FMN2: variants seen among roughly 807,000 people sequenced by gnomAD.
The protein encoded by FMN2 is formin 2.
FMN2 carries 51 observed loss-of-function variants against 142.3 expected under a neutral mutation model. That is an observed-to-expected ratio of 0.36 (90% CI 0.29 to 0.45). The LOEUF is 0.45. FMN2 is among the 20% of genes least tolerant of loss of function. The probability of loss-of-function intolerance (pLI) is 1.00; values close to 1 mark genes in which losing one functional copy is unlikely to be tolerated. For synonymous variants in FMN2, 882 were observed against 869.8 expected, an observed-to-expected ratio of 1.01 and a Z score of -0.25; for missense variants, 1,936 against 2,122.8, an observed-to-expected ratio of 0.91 and a Z score of 1.73.
At chr1:240,305,951 G>GTTTTTTTTTT (rs10577212) in intron 8 of FMN2, among the ~76,000 whole-genome samples, 3 of 121,756 alleles carry the variant, frequency 2.5e-5, no homozygotes, top group African/African-American at 3.8e-5. Context: ...ATGCTTGTAA[G>GTTTTTTTTTT]TTTTTTTTTT....
At chr1:240,190,129 A>G (rs1490691178) in intron 4 of FMN2, among the ~76,000 whole-genome samples, 2 of 152,230 alleles carry the variant, frequency 1.3e-5, no homozygotes, top group Non-Finnish European at 1.5e-5. Flanking sequence ...GCGATGGACC[A>G]TGGTAAAATA....
At chr1:240,314,830 C>T (rs917757468) in intron 8 of FMN2, among the ~76,000 whole-genome samples, 32 of 152,144 alleles carry the variant, frequency 2.1e-4, no homozygotes, top group African/African-American at 7.7e-4. Context: ...CCTCTACCAG[C>T]CATTGTTTTT....
chr1:240,237,562 G>T (rs1182828051), intron 6 of FMN2, among the ~76,000 whole-genome samples: 1 of 152,172 alleles, frequency 6.6e-6, no homozygotes, highest in Non-Finnish European at 1.5e-5. Context: ...ATCTTGGGAT[G>T]GAATCACTTA....
intron 15 of FMN2, among the ~76,000 whole-genome samples, chr1:240,433,700 C>G (rs761238729): frequency 2.0e-5 from 3 of 152,186 alleles, no homozygotes; most frequent in Non-Finnish European, 2.9e-5. Flanking sequence ...AGCCCTGACC[C>G]TTTTCAGGAA....
At chr1:240,137,487 T>C (rs1255064263) in intron 2 of FMN2, among the ~76,000 whole-genome samples, 1 of 152,228 alleles carries the variant, frequency 6.6e-6, no homozygotes, top group Non-Finnish European at 1.5e-5. Context: ...CAGGCTGTGG[T>C]TGGCTAGCCC....
chr1:240,184,305 C>T (rs1303866787), intron 3 of FMN2, among the ~76,000 whole-genome samples: 1 of 128,778 alleles, frequency 7.8e-6, no homozygotes, highest in African/African-American at 3.0e-5. Flanking sequence ...GGCGCGATCT[C>T]GGCTCACTGC....
At chr1:240,199,168 G>C (rs561428221) in intron 4 of FMN2, among the ~76,000 whole-genome samples, 4 of 152,298 alleles carry the variant, frequency 2.6e-5, no homozygotes, top group Non-Finnish European at 4.4e-5. Flanking sequence ...GTGAAGAACA[G>C]AATTCCTATT....
intron 13 of FMN2, among the ~76,000 whole-genome samples, chr1:240,350,146 A>G (rs1672041062): frequency 6.6e-6 from 1 of 152,208 alleles, no homozygotes; most frequent in Non-Finnish European, 1.5e-5. Flanking sequence ...AATATATGAG[A>G]GTTATGAATG....
chr1:240,240,195 A>G (rs1277265338), intron 6 of FMN2, among the ~76,000 whole-genome samples: 3 of 152,100 alleles, frequency 2.0e-5, no homozygotes, highest in African/African-American at 7.2e-5. Context: ...GTAGTGTGGA[A>G]TAGTGGTCAA....
rs1666531975 is a variant in FMN2 at position 240,208,392 on chromosome 1, G to A, written c.3580G>A (p.Gly1194Arg). The A allele has an allele frequency of 6.3e-7, 1 of 1,591,052 alleles. No individual in the cohort carries two copies. The change falls in exon 5 of 18, where the codon GGA (glycine) becomes AGA (arginine). Residue 1194 changes from glycine to arginine, a missense_variant. Around this residue, in one of 8 missense-constraint regions of FMN2, gnomAD observed 259 missense variants for 230.9 expected, o/e 1.12. Transcript: ENST00000319653. ...IPPPPPLPGV[G>R]IPPPPPLPGA... ...TCCTCCGCCCCCTCTACCTGGAGTG[G>A]GAATACCTCCTCCGCCCCCTCTACC...
chr1:240,403,870 C>G (rs1674067743), intron 15 of FMN2, among the ~76,000 whole-genome samples: 1 of 152,156 alleles, frequency 6.6e-6, no homozygotes, highest in Non-Finnish European at 1.5e-5. Context: ...ACTACATTCC[C>G]TCTCCTACTT....
chr1:240,361,008 T>C (rs988662244), intron 14 of FMN2, among the ~76,000 whole-genome samples: 4 of 151,422 alleles, frequency 2.6e-5, no homozygotes, highest in Non-Finnish European at 5.9e-5. Flanking sequence ...CATTAGGAGA[T>C]ATACCTTATG....
chr1:240,295,907 G>A (rs1158628745), intron 8 of FMN2, among the ~76,000 whole-genome samples: 1 of 152,038 alleles, frequency 6.6e-6, no homozygotes, highest in Non-Finnish European at 1.5e-5. Flanking sequence ...CCTTTTCTTC[G>A]CATCTTCACC....
chr1:240,404,668 T>G (rs898790133), intron 15 of FMN2, among the ~76,000 whole-genome samples: 10 of 152,232 alleles, frequency 6.6e-5, no homozygotes, highest in African/African-American at 2.4e-4. Context: ...TGGTAAGTTT[T>G]AGATACAGCA....
At chr1:240,146,811 G>A (rs543521749) in intron 2 of FMN2, among the ~76,000 whole-genome samples, 1 of 152,184 alleles carries the variant, frequency 6.6e-6, no homozygotes, top group East Asian at 1.9e-4. Context: ...CCCCAAATAA[G>A]TGAACACCAA....
rs143968221 is a variant in FMN2, at chr1:240,462,727, C to A, written c.5061-9645C>A. Among the ~76,000 whole-genome samples the A allele has an allele frequency of 5.3e-5, 8 of 152,254 alleles. No homozygotes were observed. The East Asian group carries it at 1.4e-3, about 26-fold the overall frequency. On this transcript the variant is annotated intron_variant, in intron 16 of 17. Coordinates refer to ENST00000319653, the MANE Select transcript of FMN2 (RefSeq NM_020066.5). ...ATAAAGATGACTATACATGACTCCT[C>A]AACTCAAGGATCTTACTATTTAGCA...
At chr1:240,097,614 C>A (rs963443478) in intron 1 of FMN2, among the ~76,000 whole-genome samples, 3 of 152,162 alleles carry the variant, frequency 2.0e-5, no homozygotes, top group Admixed American at 1.3e-4. Context: ...CTCGGCCGCC[C>A]AAAGTGCTGG....
At chr1:240,126,091 C>T (rs1009040741) in intron 2 of FMN2, among the ~76,000 whole-genome samples, 16 of 152,152 alleles carry the variant, frequency 1.1e-4, no homozygotes, top group Non-Finnish European at 1.8e-4. Flanking sequence ...CAGAACTATG[C>T]GTTCATTGGA....
Position 240,418,703 on chromosome 1 carries a change from T to A in FMN2, c.4911-19358T>A, listed in dbSNP as rs146297874. ...CCAACGTGTATAAGTATACACAGTG[T>A]TCCAGTGTTGGATGTAGTGTTCTAT... On this transcript the variant is annotated intron_variant, in intron 15 of 17. Coordinates refer to ENST00000319653, the MANE Select transcript of FMN2 (RefSeq NM_020066.5). Among the ~76,000 whole-genome samples, 221 of 152,172 alleles carry A rather than the reference T, an allele frequency of 1.5e-3. 4 individuals are homozygous for A. In the East Asian group the frequency reaches 0.029, roughly 20 times the overall value.
Sources: allele counts gnomAD v4.1 joint callset (sites outside exome capture counted in the v4.1 genomes callset), GRCh38; gene constraint gnomAD v4.1.1; regional missense constraint gnomAD v4.1.1; transcripts MANE v1.5; gene names NCBI Gene and HGNC (gene_info 2026-07-23, HGNC 2026-07-21).